Variants in CLVS1 observed in about 807,000 individuals in gnomAD.
CLVS1 encodes clavesin-1.
CLVS1 carries 10 observed loss-of-function variants against 33.1 expected under a neutral mutation model. The ratio of observed to expected loss-of-function variants is 0.30; its 90% CI spans 0.19 to 0.51. CLVS1 has a LOEUF of 0.51. Among genes scored for constraint, CLVS1 ranks in the 20% least tolerant of loss-of-function variants. CLVS1 has a pLI of 0.97. For missense variants in CLVS1, 343 were observed against 433.4 expected (o/e 0.79, Z 1.85); for synonymous variants, 163 against 166.1 (o/e 0.98, Z 0.14).
At chr8:61,250,600 T>C (rs556650225) in intron 2 of CLVS1, among the ~76,000 whole-genome samples, 26 of 152,176 alleles carry the variant, frequency 1.7e-4, no homozygotes, top group African/African-American at 5.3e-4. Context: ...CCTTGAGCAG[T>C]GTTTTGTAGT....
intron 3 of CLVS1, among the ~76,000 whole-genome samples, chr8:61,429,497 A>G (rs1309244709): frequency 2.0e-5 from 3 of 151,324 alleles, no homozygotes; most frequent in Admixed American, 6.6e-5. Context: ...TTTTATCATG[A>G]GCCCACTCCT....
chr8:61,025,423 A>G, the CLVS1 span, among the ~76,000 whole-genome samples: 4 of 152,234 alleles, frequency 2.6e-5, no homozygotes, highest in African/African-American at 7.2e-5. Flanking sequence ...CTTAAGAGGA[A>G]CAGAGTGAAT....
chr8:61,498,507 A>C (rs933209605), intron 5 of CLVS1, among the ~76,000 whole-genome samples: 2 of 152,224 alleles, frequency 1.3e-5, no homozygotes, highest in Non-Finnish European at 2.9e-5. Context: ...TTAAATATCT[A>C]CTGCGTAGCT....
At chr8:61,116,269 T>C (rs2129289031) in intron 1 of CLVS1, among the ~76,000 whole-genome samples, 1 of 152,272 alleles carries the variant, frequency 6.6e-6, no homozygotes, top group East Asian at 1.9e-4. Flanking sequence ...AGATTCTGGA[T>C]ATTAGCCCTT....
Position 61,372,539 on chromosome 8 carries a change from G to A in CLVS1, c.456-4066G>A, listed in dbSNP as rs984508737. Among the ~76,000 whole-genome samples, 17 of 151,600 alleles carry A rather than the reference G, an allele frequency of 1.1e-4. 1 individual carries two copies. Among genetic ancestry groups the A allele is most frequent in the Admixed American group, 3.9e-4 (6 of 15,202 alleles). On this transcript the variant is annotated intron_variant, in intron 2 of 5. Transcript: ENST00000325897. ...TATAGTAGTACAGTGTTACTGTTAC[G>A]ACTAATGAACCATTATTAATACGTT...
At chr8:61,478,752 A>G (rs200654551) in intron 5 of CLVS1, among the ~76,000 whole-genome samples, 3 of 152,270 alleles carry the variant, frequency 2.0e-5, no homozygotes, top group African/African-American at 4.8e-5. Context: ...GCACACTGAT[A>G]GGTCTTGACT....
chr8:61,212,129 T>C (rs1468946857), intron 2 of CLVS1, among the ~76,000 whole-genome samples: 1 of 152,232 alleles, frequency 6.6e-6, no homozygotes, highest in South Asian at 2.1e-4. Flanking sequence ...TTTGTCGCAG[T>C]AGCCATAAGA....
At chr8:61,094,705 CAAACCA>C (rs1805317237) in intron 1 of CLVS1, among the ~76,000 whole-genome samples, 1 of 152,160 alleles carries the variant, frequency 6.6e-6, no homozygotes, top group Admixed American at 6.5e-5. Context: ...CACAGACACA[CAAACCA>C]AGGGAAGTTC....
chr8:61,477,158 T>G (rs1023856686), intron 5 of CLVS1, among the ~76,000 whole-genome samples: 1 of 152,214 alleles, frequency 6.6e-6, no homozygotes, highest in African/African-American at 2.4e-5. Flanking sequence ...CACTTGATCA[T>G]GGTGGATAAG....
the CLVS1 span, among the ~76,000 whole-genome samples, chr8:61,045,911 G>A: frequency 6.6e-6 from 1 of 152,182 alleles, no homozygotes; most frequent in East Asian, 1.9e-4. Flanking sequence ...TGAGTAGGTT[G>A]AGAAAATTTT....
intron 1 of CLVS1, 94 bp downstream of exon 1, chr8:61,288,232 T>C (rs1181867801): frequency 2.2e-6 from 1 of 456,174 alleles, no homozygotes; most frequent in Non-Finnish European, 4.4e-6. Context: ...TTTCAGCACT[T>C]CGGTATGTGG....
chr8:61,426,638 C>T (rs116598886), intron 3 of CLVS1, among the ~76,000 whole-genome samples: 73 of 152,292 alleles, frequency 4.8e-4, no homozygotes, highest in Middle Eastern at 3.4e-3. Flanking sequence ...TTTTGGTCTG[C>T]GGTCCTAGTA....
chr8:61,133,294 G>A (rs981657740), intron 2 of CLVS1, among the ~76,000 whole-genome samples: 4 of 152,210 alleles, frequency 2.6e-5, no homozygotes, highest in Non-Finnish European at 5.9e-5. Flanking sequence ...GCACAGGAGG[G>A]TAGAGGAGGC....
the CLVS1 span, among the ~76,000 whole-genome samples, chr8:60,977,326 T>C: frequency 6.6e-6 from 1 of 151,996 alleles, no homozygotes; most frequent in East Asian, 1.9e-4. Flanking sequence ...AGGAAAAAAA[T>C]AATTTGACAG....
intron 5 of CLVS1, among the ~76,000 whole-genome samples, chr8:61,496,845 C>A (rs918901557): frequency 6.6e-6 from 1 of 152,140 alleles, no homozygotes; most frequent in Non-Finnish European, 1.5e-5. Flanking sequence ...GCTTCTGTGG[C>A]CTTTGGTATA....
At chr8:61,155,679 A>G (rs766179833) in intron 2 of CLVS1, among the ~76,000 whole-genome samples, 16 of 152,188 alleles carry the variant, frequency 1.1e-4, no homozygotes, top group Admixed American at 6.5e-5. Flanking sequence ...AGGAATAGCT[A>G]TGAAAAAATT....
intron 2 of CLVS1, among the ~76,000 whole-genome samples, chr8:61,153,827 A>T (rs901602948): frequency 3.3e-5 from 5 of 152,120 alleles, no homozygotes; most frequent in Non-Finnish European, 7.4e-5. Flanking sequence ...ATATTGGAGG[A>T]AGGGATGAAC....
chr8:61,299,658 G>T lies in CLVS1; in HGVS notation c.-151-19G>T. 1.7e-6 allele frequency: 1 copy of T among 581,254 alleles called. No individual in the cohort carries two copies. Among genetic ancestry groups the T allele is most frequent in the South Asian group, 2.3e-5 (1 of 44,002 alleles). The allele number at this position is 581,254 out of a possible 1,614,324, so 36.0% of individuals were successfully genotyped here. A position where few individuals can be genotyped will look rare whatever the true frequency, so the allele number is the denominator to read the frequency against. On this transcript the variant is annotated intron_variant, in intron 1 of 5. Coordinates refer to ENST00000325897, the MANE Select transcript of CLVS1 (RefSeq NM_173519.3). The stretch of plus-strand genomic sequence containing the variant: ...GTATCATCTCTCTTCTGTTTCTTTT[G>T]TGTGTATTTGTTTTTCAGTAAGCAA...
intron 2 of CLVS1, among the ~76,000 whole-genome samples, chr8:61,302,457 G>A (rs942892002): frequency 3.9e-5 from 6 of 152,164 alleles, no homozygotes; most frequent in African/African-American, 9.7e-5. Context: ...ACTGAGGACA[G>A]CGATGAGAAC....
Sources: allele counts gnomAD v4.1 joint callset (sites outside exome capture counted in the v4.1 genomes callset), GRCh38; gene constraint gnomAD v4.1.1; transcripts MANE v1.5; gene names NCBI Gene and HGNC (gene_info 2026-07-23, HGNC 2026-07-21).